Variants in GLRB observed in about 807,000 individuals in gnomAD.
GLRB encodes the protein glycine receptor beta.
A neutral mutation model predicts 54.2 loss-of-function variants in GLRB; 33 were observed. That is an observed-to-expected ratio of 0.61 (90% CI 0.46 to 0.81). GLRB has a LOEUF of 0.81. Ranked by LOEUF, GLRB falls within the 40% of genes least tolerant of loss-of-function variation. GLRB has a pLI of 0.00. For synonymous variants in GLRB, 209 were observed against 208.2 expected (o/e 1.00, Z -0.03); for missense variants, 572 against 584.6 (o/e 0.98, Z 0.22).
At chr4:157,095,772 G>C (rs1734786806) in intron 2 of GLRB, among the ~76,000 whole-genome samples, 1 of 152,170 alleles carries the variant, frequency 6.6e-6, no homozygotes, top group Admixed American at 6.5e-5. Context: ...AAAGCCGGCT[G>C]TGACTGTAGG....
At chr4:157,136,984 G>A (rs1052696307) in intron 6 of GLRB, 98 bp downstream of exon 6, 119 of 743,822 alleles carry the variant, frequency 1.6e-4, no homozygotes, top group Non-Finnish European at 3.2e-5. Flanking sequence ...GGTAAAACTA[G>A]TGCTTTGATT....
chr4:157,139,207 A>G (rs1436084178), intron 7 of GLRB, among the ~76,000 whole-genome samples: 1 of 152,138 alleles, frequency 6.6e-6, no homozygotes, highest in Non-Finnish European at 1.5e-5. Flanking sequence ...TTATGTTAGT[A>G]ATGAAAACTC....
At chr4:157,125,702 G>A (rs1416205512) in intron 4 of GLRB, among the ~76,000 whole-genome samples, 1 of 151,786 alleles carries the variant, frequency 6.6e-6, no homozygotes, top group African/African-American at 2.4e-5. Flanking sequence ...GGGAAGCTGA[G>A]GCAGGTGGAT....
chr4:157,120,688 A>G (rs764343076), intron 3 of GLRB, 26 bp downstream of exon 3: 14 of 1,052,420 alleles, frequency 1.3e-5, no homozygotes, highest in Non-Finnish European at 1.9e-5. Flanking sequence ...ATAAATGTTC[A>G]TTTTTATTGT....
chr4:157,120,290 A>G (rs927677383), intron 2 of GLRB, among the ~76,000 whole-genome samples: 4 of 150,522 alleles, frequency 2.7e-5, no homozygotes, highest in Non-Finnish European at 5.9e-5. Context: ...GCTAAATGAC[A>G]AGTTAATGGG....
intron 2 of GLRB, among the ~76,000 whole-genome samples, chr4:157,080,947 G>A (rs1184171423): frequency 6.6e-6 from 1 of 152,094 alleles, no homozygotes; most frequent in Non-Finnish European, 1.5e-5. Context: ...TAAAATGTAG[G>A]AGAAATAAAG....
chr4:157,122,341 G>T lies in GLRB; in HGVS notation c.241G>T (p.Asp81Tyr). The change falls in exon 4 of 10, where the codon GAT (aspartate) becomes TAT (tyrosine). Residue 81 changes from aspartate to tyrosine, a missense_variant. By Grantham distance (160) the Asp-to-Tyr change is radical. Transcript: ENST00000264428. ...ATTTTTATTCATAGGCATTCCTGTT[G>T]ATGTAGTAGTCAACATTTTTATTAA... ...IRPNFKGIPV[D>Y]VVVNIFINSF... is the part of the protein sequence containing the mutation. The T allele has an allele frequency of 7.8e-7, 1 of 1,280,430 alleles. No homozygotes were observed. Among genetic ancestry groups the T allele is most frequent in the South Asian group, 1.3e-5 (1 of 76,610 alleles). 79.3% of individuals were successfully genotyped at this position (1,280,430 alleles called of 1,614,324 possible).
At chr4:157,152,419 T>C (rs1737056383) in intron 8 of GLRB, among the ~76,000 whole-genome samples, 1 of 152,180 alleles carries the variant, frequency 6.6e-6, no homozygotes, top group Non-Finnish European at 1.5e-5. Context: ...TACTATACAA[T>C]AGTTTTAGCC....
At chr4:157,161,166 G>C (rs920181540) in intron 9 of GLRB, among the ~76,000 whole-genome samples, 2 of 151,658 alleles carry the variant, frequency 1.3e-5, no homozygotes, top group African/African-American at 2.4e-5. Flanking sequence ...CTGCTTTTTT[G>C]GTTTTCCATT....
At chr4:157,106,934 T>G (rs1214988776) in intron 2 of GLRB, among the ~76,000 whole-genome samples, 2 of 152,124 alleles carry the variant, frequency 1.3e-5, no homozygotes, top group Admixed American at 1.3e-4. Flanking sequence ...TGAGCTAGTG[T>G]GTTGGCATCA....
intron 9 of GLRB, among the ~76,000 whole-genome samples, chr4:157,154,535 C>T (rs1737153384): frequency 7.0e-6 from 1 of 142,762 alleles, no homozygotes; most frequent in African/African-American, 2.6e-5. Flanking sequence ...TCAAACGATT[C>T]TCCTGCCTCA....
At chr4:157,161,353 G>T (rs1255024598) in intron 9 of GLRB, among the ~76,000 whole-genome samples, 1 of 152,162 alleles carries the variant, frequency 6.6e-6, no homozygotes, top group Non-Finnish European at 1.5e-5. Flanking sequence ...ATTGTTATGT[G>T]TGAATTTGAT....
At chr4:157,112,280 A>C (rs907197717) in intron 2 of GLRB, among the ~76,000 whole-genome samples, 3 of 151,868 alleles carry the variant, frequency 2.0e-5, no homozygotes, top group African/African-American at 7.3e-5. Context: ...AGAATCCATA[A>C]ACAAATTTAT....
intron 7 of GLRB, among the ~76,000 whole-genome samples, chr4:157,139,207 A>C: frequency 6.6e-6 from 1 of 152,138 alleles, no homozygotes; most frequent in East Asian, 1.9e-4. Context: ...TTATGTTAGT[A>C]ATGAAAACTC....
chr4:157,129,019 T>C (rs1736117549), intron 4 of GLRB, among the ~76,000 whole-genome samples: 1 of 151,898 alleles, frequency 6.6e-6, no homozygotes, highest in African/African-American at 2.4e-5. Flanking sequence ...TTACAAAATA[T>C]AAACAGTTCT....
chr4:157,152,509 T>C (rs1056719953), intron 8 of GLRB, among the ~76,000 whole-genome samples: 2 of 152,166 alleles, frequency 1.3e-5, no homozygotes, highest in Admixed American at 6.5e-5. Context: ...AAATCCTAAG[T>C]ATTTACAAAA....
At chr4:157,134,080 A>C (rs1736313783) in intron 4 of GLRB, among the ~76,000 whole-genome samples, 1 of 152,116 alleles carries the variant, frequency 6.6e-6, no homozygotes, top group Non-Finnish European at 1.5e-5. Flanking sequence ...CCCAAAATAC[A>C]GAATGACTTC....
At chr4:157,151,432 A>G (rs901709786) in intron 8 of GLRB, among the ~76,000 whole-genome samples, 2 of 152,068 alleles carry the variant, frequency 1.3e-5, no homozygotes, top group African/African-American at 4.8e-5. Context: ...TAAGACCTAC[A>G]TTAACTTTTA....
intron 9 of GLRB, among the ~76,000 whole-genome samples, chr4:157,157,832 T>C (rs544717719): frequency 6.6e-6 from 1 of 152,358 alleles, no homozygotes; most frequent in East Asian, 1.9e-4. Context: ...CAACATGATT[T>C]ATAATCCTTT....
Sources: allele counts gnomAD v4.1 joint callset (sites outside exome capture counted in the v4.1 genomes callset), GRCh38; gene constraint gnomAD v4.1.1; transcripts MANE v1.5; gene names NCBI Gene and HGNC (gene_info 2026-07-23, HGNC 2026-07-21).